Variants in TMEM263 observed in about 807,000 individuals in gnomAD.
The protein encoded by TMEM263 is UPF0444 transmembrane protein C12orf23.
In TMEM263, 5 loss-of-function variants were observed where a neutral mutation model predicts 8.6. The observed-to-expected ratio is 0.58, with a 90% confidence interval of 0.31 to 1.23. The LOEUF (loss-of-function observed/expected upper bound fraction) is 1.23, where lower values mean the gene tolerates loss of function less well. Ranked by LOEUF, TMEM263 falls within the 50% of genes most tolerant of loss-of-function variation. The probability of loss-of-function intolerance (pLI) is 0.07; values close to 1 mark genes in which losing one functional copy is unlikely to be tolerated. For synonymous variants in TMEM263, 50 were observed against 47.9 expected, an observed-to-expected ratio of 1.04 and a Z score of -0.18; for missense variants, 104 against 138.8, an observed-to-expected ratio of 0.75 and a Z score of 1.26.
Position 106,955,971 on chromosome 12 carries a change from G to T in TMEM263, c.-169G>T. On this transcript the variant is annotated 5_prime_UTR_variant, in exon 1 of 4. Coordinates refer to ENST00000280756, the MANE Select transcript of TMEM263 (RefSeq NM_152261.4). ...AGCCGCGACTGCCCGGGGTTGTGCC[G>T]GCCGCCGCTGCCGCCCAGGCCGCCT... is the stretch of plus-strand genomic sequence containing the variant. 1.0e-6 allele frequency: 1 copy of T among 986,520 alleles called. No homozygotes were observed. 61.1% of individuals were successfully genotyped at this position (986,520 alleles called of 1,614,324 possible). A position where few individuals can be genotyped will look rare whatever the true frequency, so the allele number is the denominator to read the frequency against.
intron 2 of TMEM263, 136 bp from the exon 3 acceptor site, chr12:106,966,975 T>C (rs1313788519): frequency 3.3e-6 from 2 of 611,722 alleles, no homozygotes; most frequent in African/African-American, 3.9e-5. Flanking sequence ...AGAAACAAGA[T>C]GAAGACTAGT....
chr12:106,969,757 A>G (rs967614367), intron 3 of TMEM263, among the ~76,000 whole-genome samples: 3 of 151,990 alleles, frequency 2.0e-5, no homozygotes, highest in Non-Finnish European at 2.9e-5. Flanking sequence ...AGATTACTAA[A>G]GAGAAAAGAC....
intron 2 of TMEM263, among the ~76,000 whole-genome samples, chr12:106,962,579 T>G (rs957899155): frequency 6.6e-6 from 1 of 152,232 alleles, no homozygotes; most frequent in Admixed American, 6.5e-5. Context: ...TATCACCCAC[T>G]GCTCAGAGCT....
intron 2 of TMEM263, 139 bp from the exon 3 acceptor site, chr12:106,966,970 CAA>C (rs1951855222): frequency 1.7e-6 from 1 of 600,280 alleles, no homozygotes; most frequent in Non-Finnish European, 2.9e-6. Flanking sequence ...AGGAGAGAAA[CAA>C]GATGAAGACT....
intron 3 of TMEM263, among the ~76,000 whole-genome samples, chr12:106,968,235 C>T (rs1410282939): frequency 6.6e-6 from 1 of 151,954 alleles, no homozygotes; most frequent in Non-Finnish European, 1.5e-5. Context: ...TATTGGTAGG[C>T]AAAAATGAAA....
chr12:106,956,518 C>G (rs574420391), intron 1 of TMEM263, among the ~76,000 whole-genome samples: 1 of 152,246 alleles, frequency 6.6e-6, no homozygotes, highest in South Asian at 2.1e-4. Context: ...CAGTGGACAC[C>G]CCCATAGCTC....
chr12:106,972,827 C>T lies in TMEM263; in HGVS notation c.*1436C>T, dbSNP rs901882260. On this transcript the variant is annotated 3_prime_UTR_variant, in exon 4 of 4. Coordinates refer to ENST00000280756, the MANE Select transcript of TMEM263 (RefSeq NM_152261.4). The stretch of plus-strand genomic sequence containing the variant: ...TGGGAAAATCTTAAATTTCTTTTTA[C>T]TTAAATCTGGAAATTTGTCTCCATT... The T allele has an allele frequency of 3.4e-5, 5 of 145,782 alleles. No individual in the cohort carries two copies. The highest frequency in any genetic ancestry group is 2.2e-4 in the South Asian group (1 of 4,520). 9.0% of individuals were successfully genotyped at this position (145,782 alleles called of 1,614,324 possible).
At chr12:106,961,610 ACAT>A (rs1566222187) in intron 2 of TMEM263, among the ~76,000 whole-genome samples, 1 of 152,138 alleles carries the variant, frequency 6.6e-6, no homozygotes, top group African/African-American at 2.4e-5. Context: ...GAGAAGGAAG[ACAT>A]CATACCTTTG....
intron 2 of TMEM263, among the ~76,000 whole-genome samples, chr12:106,963,532 T>C (rs909006636): frequency 1.3e-5 from 2 of 152,222 alleles, no homozygotes; most frequent in African/African-American, 4.8e-5. Context: ...TGGCAGAGTT[T>C]AGACTGTCAG....
intron 3 of TMEM263, among the ~76,000 whole-genome samples, chr12:106,969,856 C>CT (rs1555271524): frequency 6.6e-6 from 1 of 150,884 alleles, no homozygotes; most frequent in Non-Finnish European, 1.5e-5. Flanking sequence ...AGCTTACATG[C>CT]TAATATATGT....
rs188715432 is a variant in TMEM263, at chr12:106,967,349, C to G, written c.64+169C>G. ...TCTTGGCCCACTGCAACCTCCGCTT[C>G]CTGGGTTCAAGCAGTTCTCCTGCCT... is the stretch of plus-strand genomic sequence containing the variant. On this transcript the variant is annotated intron_variant, in intron 3 of 3. Transcript: ENST00000280756. 166 of 469,992 alleles carry G rather than the reference C, an allele frequency of 3.5e-4. No homozygotes were observed. In the East Asian group the frequency reaches 6.7e-3, roughly 19 times the overall value. The allele number at this position is 469,992 out of a possible 1,614,324, so 29.1% of individuals were successfully genotyped here.
Position 106,956,071 on chromosome 12 carries a change from TGAGTC to T in TMEM263, c.-75+8_-75+12del. The T allele has an allele frequency of 3.1e-6, 3 of 982,236 alleles. No individual in the cohort carries two copies. Among genetic ancestry groups the T allele is most frequent in the Non-Finnish European group, 3.6e-6 (3 of 827,264 alleles). The allele number at this position is 982,236 out of a possible 1,614,324, so 60.8% of individuals were successfully genotyped here. On this transcript the variant is annotated splice_region_variant and intron_variant, in intron 1 of 3. Transcript: ENST00000280756. Reference sequence around the variant, plus strand: ...CGCTGGCCGCGACCCCGGCGGTGAGTGAGTCGGGATGCGAGGGCAGGGGCGCAGTC... The same window carrying T: ...CGCTGGCCGCGACCCCGGCGGTGAGTGGGATGCGAGGGCAGGGGCGCAGTC...
At chr12:106,966,863 A>G (rs1280296085) in intron 2 of TMEM263, 1 of 383,768 alleles carries the variant, frequency 2.6e-6, no homozygotes, top group East Asian at 5.6e-5. Context: ...AGGAAAACTT[A>G]TACTATGACT....
At chr12:106,963,182 G>T (rs1477187486) in intron 2 of TMEM263, among the ~76,000 whole-genome samples, 1 of 152,132 alleles carries the variant, frequency 6.6e-6, no homozygotes, top group South Asian at 2.1e-4. Flanking sequence ...TGGAGATGGC[G>T]GTTAAGTATT....
intron 2 of TMEM263, among the ~76,000 whole-genome samples, chr12:106,964,859 C>T (rs1370067933): frequency 6.6e-6 from 1 of 152,242 alleles, no homozygotes; most frequent in Non-Finnish European, 1.5e-5. Context: ...CTACCACCCT[C>T]ATCCAAGCCA....
intron 1 of TMEM263, among the ~76,000 whole-genome samples, chr12:106,956,453 C>A (rs1360412320): frequency 6.6e-6 from 1 of 152,220 alleles, no homozygotes. Context: ...GCCCTGCCAA[C>A]TCCTGACCTG....
At chr12:106,960,087 T>C (rs1951749670) in intron 2 of TMEM263, among the ~76,000 whole-genome samples, 1 of 151,994 alleles carries the variant, frequency 6.6e-6, no homozygotes, top group Admixed American at 6.6e-5. Context: ...CAGGCTGGAG[T>C]GCAGTGGTGA....
intron 2 of TMEM263, among the ~76,000 whole-genome samples, chr12:106,961,335 C>G (rs911212397): frequency 1.4e-5 from 2 of 144,884 alleles, no homozygotes; most frequent in South Asian, 4.5e-4. Context: ...CTCAACCTCC[C>G]AAAGTGCTGG....
chr12:106,963,277 A>T (rs572806173), intron 2 of TMEM263, among the ~76,000 whole-genome samples: 2 of 152,332 alleles, frequency 1.3e-5, no homozygotes, highest in Admixed American at 6.5e-5. Context: ...ACAGAGTATG[A>T]CACGACTGGA....
Sources: gnomAD v4.1 joint callset for allele counts (sites outside exome capture counted in the v4.1 genomes callset) on GRCh38, gnomAD v4.1.1 for gene constraint, MANE v1.5 for transcripts, NCBI Gene and HGNC (gene_info 2026-07-23, HGNC 2026-07-21) for gene names.